The following SNTG1 variants were observed in gnomAD, a reference collection of about 807,000 sequenced individuals.
SNTG1 encodes gamma-1-syntrophin.
Under a neutral mutation model 74.7 loss-of-function variants are expected in SNTG1, and 39 were observed. The observed-to-expected ratio is 0.52, with a 90% CI of 0.40 to 0.68. The LOEUF is 0.68. SNTG1 is among the 30% of genes least tolerant of loss of function. The pLI is 0.00. For synonymous variants in SNTG1, 254 were observed against 217.1 expected, an observed-to-expected ratio of 1.17 and a Z score of -1.49; for missense variants, 685 against 609.5, an observed-to-expected ratio of 1.12 and a Z score of -1.30.
intron 4 of SNTG1, among the ~76,000 whole-genome samples, chr8:50,420,998 C>T (rs1321281363): frequency 3.6e-4 from 44 of 123,200 alleles, no homozygotes; most frequent in Admixed American, 1.1e-4. Flanking sequence ...GCACTCCAGC[C>T]TGGCAACAGA....
chr8:50,267,713 A>G (rs1003408319), intron 2 of SNTG1, among the ~76,000 whole-genome samples: 3 of 152,308 alleles, frequency 2.0e-5, no homozygotes, highest in Middle Eastern at 6.8e-3. Flanking sequence ...ATATAGTAGT[A>G]TCATTTGATG....
intron 15 of SNTG1, among the ~76,000 whole-genome samples, chr8:50,688,457 A>T (rs929537567): frequency 1.3e-5 from 2 of 152,132 alleles, no homozygotes; most frequent in African/African-American, 2.4e-5. Flanking sequence ...AGGGATCCAG[A>T]TTCAGCTTTC....
At chr8:50,004,104 T>C (rs1408457045) in intron 1 of SNTG1, among the ~76,000 whole-genome samples, 1 of 152,156 alleles carries the variant, frequency 6.6e-6, no homozygotes, top group Non-Finnish European at 1.5e-5. Flanking sequence ...TCTAGTGTCC[T>C]TGTGCCTGAG....
chr8:50,569,873 A>G (rs1250934184), intron 12 of SNTG1, among the ~76,000 whole-genome samples: 1 of 152,202 alleles, frequency 6.6e-6, no homozygotes, highest in Non-Finnish European at 1.5e-5. Flanking sequence ...CCAACCAAAA[A>G]TGGGTTAGTG....
intron 2 of SNTG1, among the ~76,000 whole-genome samples, chr8:50,297,650 G>A (rs1407999371): frequency 6.6e-6 from 1 of 152,134 alleles, no homozygotes; most frequent in African/African-American, 2.4e-5. Context: ...GAAAAGGAGT[G>A]TTCACATCCT....
chr8:50,699,160 AG>A (rs1184253357), intron 15 of SNTG1, among the ~76,000 whole-genome samples: 3 of 152,002 alleles, frequency 2.0e-5, no homozygotes, highest in African/African-American at 4.8e-5. Flanking sequence ...TTTTTTAAAA[AG>A]GGTTCTGGGA....
chr8:50,359,907 T>C (rs1302978153), intron 2 of SNTG1, among the ~76,000 whole-genome samples: 1 of 152,198 alleles, frequency 6.6e-6, no homozygotes, highest in Non-Finnish European at 1.5e-5. Context: ...TCTTTCTTTT[T>C]TCCACATGAG....
intron 5 of SNTG1, among the ~76,000 whole-genome samples, chr8:50,442,765 C>T (rs1490552386): frequency 6.6e-6 from 1 of 151,730 alleles, no homozygotes; most frequent in East Asian, 1.9e-4. Flanking sequence ...ATCTGGGCTT[C>T]CCCCAAAGCT....
At chr8:50,059,454 A>G (rs565948807) in intron 1 of SNTG1, among the ~76,000 whole-genome samples, 31 of 152,198 alleles carry the variant, frequency 2.0e-4, no homozygotes, top group Admixed American at 6.5e-4. Flanking sequence ...GAATATTTTC[A>G]TTACCCTTAA....
At chr8:50,198,527 A>C (rs1298848257) in intron 2 of SNTG1, among the ~76,000 whole-genome samples, 2 of 152,166 alleles carry the variant, frequency 1.3e-5, no homozygotes, top group Non-Finnish European at 2.9e-5. Flanking sequence ...AGGGCTCTGC[A>C]AGCCCTGATG....
intron 2 of SNTG1, among the ~76,000 whole-genome samples, chr8:50,238,945 C>G (rs1204798569): frequency 1.3e-5 from 2 of 152,032 alleles, no homozygotes; most frequent in Admixed American, 1.3e-4. Context: ...CAATGAGATA[C>G]CATCTCACAC....
At chr8:50,318,254 G>C (rs1356343203) in intron 2 of SNTG1, among the ~76,000 whole-genome samples, 1 of 149,548 alleles carries the variant, frequency 6.7e-6, no homozygotes, top group Non-Finnish European at 1.5e-5. Flanking sequence ...CATGTGCACG[G>C]CAATCTACAA....
chr8:50,636,547 C>CATTTTCCAAT lies in SNTG1; in HGVS notation c.850-20362_850-20361insATTTTCCAAT, dbSNP rs1283057766. 4.6e-5 allele frequency among the ~76,000 whole-genome samples: 7 copies of CATTTTCCAAT among 152,248 alleles called. No homozygotes were observed. In the South Asian group the frequency reaches 1.5e-3, roughly 32 times the overall value. The stretch of plus-strand genomic sequence containing the variant: ...CTGAGTTCTACTAATGTTGGCAGGA[C>CATTTTCCAAT]TGACTTCCAATGAAAATTCCCAAAG... On this transcript the variant is annotated intron_variant, in intron 13 of 18. Transcript: ENST00000642720.
intron 9 of SNTG1, 124 bp downstream of exon 9, chr8:50,503,004 T>G (rs746348914): frequency 1.7e-5 from 12 of 704,562 alleles, no homozygotes; most frequent in Non-Finnish European, 2.6e-5. Context: ...AACATTTTTA[T>G]ATTACAAAGT....
chr8:50,569,548 C>CA lies in SNTG1; in HGVS notation c.810+16379dup, dbSNP rs112357497. ...CAAAAAACAAAAAACAAACAAAAAACAAAAAAAAAACCTTCTATTCTGTCT... is the reference window on the plus strand; with the variant it reads ...CAAAAAACAAAAAACAAACAAAAAACAAAAAAAAAAACCTTCTATTCTGTCT... On this transcript the variant is annotated intron_variant, in intron 12 of 18. Coordinates refer to ENST00000642720, the MANE Select transcript of SNTG1 (RefSeq NM_018967.5). Among the ~76,000 whole-genome samples, 633 of 144,204 alleles carry CA rather than the reference C, an allele frequency of 4.4e-3. 1 individual carries two copies. The highest frequency in any genetic ancestry group is 9.8e-3 in the African/African-American group (390 of 39,772). The allele number at this position is 144,204 out of a possible 152,430, so 94.6% of individuals were successfully genotyped here.
chr8:49,946,138 A>G (rs549952755), intron 1 of SNTG1, among the ~76,000 whole-genome samples: 66 of 152,264 alleles, frequency 4.3e-4, no homozygotes, highest in African/African-American at 1.6e-3. Flanking sequence ...ATGTATTTAT[A>G]AATGTAGGAA....
intron 1 of SNTG1, among the ~76,000 whole-genome samples, chr8:49,996,678 G>C (rs1814251480): frequency 6.6e-6 from 1 of 152,096 alleles, no homozygotes; most frequent in Admixed American, 6.6e-5. Context: ...CAATTATCTA[G>C]ATAGATATGC....
intron 1 of SNTG1, among the ~76,000 whole-genome samples, chr8:50,127,144 T>C (rs190992018): frequency 1.3e-5 from 2 of 152,196 alleles, no homozygotes; most frequent in African/African-American, 4.8e-5. Flanking sequence ...AAGTAAAGGA[T>C]TCCTGAGTGA....
rs746602274 is a variant in SNTG1, at chr8:50,438,628, A to T, written c.219+29A>T. Reference sequence around the variant, plus strand: ...GCCTGCCTTTCTAGTCTATCCTTACAAAGGCCATGCCATAAGAGCTGAACT... The same window carrying T: ...GCCTGCCTTTCTAGTCTATCCTTACTAAGGCCATGCCATAAGAGCTGAACT... On this transcript the variant is annotated intron_variant, in intron 5 of 18. Coordinates refer to ENST00000642720, the MANE Select transcript of SNTG1 (RefSeq NM_018967.5). The T allele has an allele frequency of 3.8e-6, 6 of 1,581,090 alleles. No individual in the cohort carries two copies. In the East Asian group the frequency reaches 1.3e-4, roughly 35 times the overall value.
Sources: gnomAD v4.1 joint callset for allele counts (sites outside exome capture counted in the v4.1 genomes callset) on GRCh38, gnomAD v4.1.1 for gene constraint, MANE v1.5 for transcripts, NCBI Gene and HGNC (gene_info 2026-07-23, HGNC 2026-07-21) for gene names.